The following NAALADL2 variants were observed in gnomAD, a reference collection of about 807,000 sequenced individuals.
The protein encoded by NAALADL2 is inactive N-acetylated-alpha-linked acidic dipeptidase-like protein 2.
NAALADL2 carries 76 observed loss-of-function variants against 87.2 expected under a neutral mutation model. The ratio of observed to expected loss-of-function variants is 0.87; its 90% CI spans 0.72 to 1.05. The LOEUF (loss-of-function observed/expected upper bound fraction) is 1.05, where lower values mean the gene tolerates loss of function less well. Ranked by LOEUF, NAALADL2 falls within the 50% of genes least tolerant of loss-of-function variation. The pLI is 0.00. For missense variants in NAALADL2, 1,089 were observed against 945.8 expected, an observed-to-expected ratio of 1.15 and a Z score of -1.99; for synonymous variants, 354 against 331.0, an observed-to-expected ratio of 1.07 and a Z score of -0.75.
intron 9 of NAALADL2, among the ~76,000 whole-genome samples, chr3:175,530,769 C>A (rs1733990307): frequency 6.6e-6 from 1 of 152,146 alleles, no homozygotes; most frequent in South Asian, 2.1e-4. Context: ...CACGTATATA[C>A]CACTTCCATT....
intron 2 of NAALADL2, among the ~76,000 whole-genome samples, chr3:174,715,245 A>G (rs1305955975): frequency 6.6e-6 from 1 of 152,120 alleles, no homozygotes; most frequent in Non-Finnish European, 1.5e-5. Context: ...GTTCTTTTAG[A>G]TATCTAGGCA....
chr3:175,041,481 C>G (rs1359761161), intron 1 of NAALADL2, among the ~76,000 whole-genome samples: 1 of 152,096 alleles, frequency 6.6e-6, no homozygotes, highest in Admixed American at 6.6e-5. Flanking sequence ...ATATTGAAAG[C>G]CAGTGTCAGG....
intron 2 of NAALADL2, among the ~76,000 whole-genome samples, chr3:175,214,923 A>C (rs906065919): frequency 6.6e-5 from 10 of 152,134 alleles, no homozygotes; most frequent in Non-Finnish European, 1.3e-4. Flanking sequence ...GACACACACA[A>C]AAAAATATAC....
chr3:175,058,900 T>C (rs1265758965), intron 1 of NAALADL2, among the ~76,000 whole-genome samples: 1 of 152,168 alleles, frequency 6.6e-6, no homozygotes, highest in Non-Finnish European at 1.5e-5. Context: ...AGTGAATAGA[T>C]TAGATGGCTC....
chr3:175,494,010 C>T (rs569872508), intron 9 of NAALADL2, among the ~76,000 whole-genome samples: 6 of 152,114 alleles, frequency 3.9e-5, no homozygotes, highest in East Asian at 1.9e-4. Flanking sequence ...AATGTTGTCT[C>T]ATGTTAAAAA....
chr3:175,684,427 A>C (rs1012947340), intron 11 of NAALADL2, among the ~76,000 whole-genome samples: 2 of 152,170 alleles, frequency 1.3e-5, no homozygotes, highest in Non-Finnish European at 2.9e-5. Context: ...TCTTATCTCC[A>C]AAAGTAGATT....
At chr3:175,217,002 G>A (rs1299548270) in intron 2 of NAALADL2, among the ~76,000 whole-genome samples, 1 of 152,060 alleles carries the variant, frequency 6.6e-6, no homozygotes, top group Non-Finnish European at 1.5e-5. Flanking sequence ...ACAAGATATG[G>A]GAACACCCAA....
intron 1 of NAALADL2, among the ~76,000 whole-genome samples, chr3:175,019,882 A>C (rs947497049): frequency 6.6e-6 from 1 of 152,078 alleles, no homozygotes; most frequent in African/African-American, 2.4e-5. Context: ...TGTCAGCCTG[A>C]GATATCTGTA....
At chr3:175,535,403 T>G (rs1293914912) in intron 9 of NAALADL2, among the ~76,000 whole-genome samples, 1 of 152,218 alleles carries the variant, frequency 6.6e-6, no homozygotes, top group African/African-American at 2.4e-5. Context: ...TGCATTTCTG[T>G]TTTACTCTCC....
intron 2 of NAALADL2, among the ~76,000 whole-genome samples, chr3:174,614,957 A>G (rs540140562): frequency 8.2e-4 from 125 of 152,302 alleles, no homozygotes; most frequent in African/African-American, 2.8e-3. Context: ...TAACTCCACA[A>G]ATTACGTAGC....
At chr3:175,631,530 C>T (rs574981292) in intron 11 of NAALADL2, among the ~76,000 whole-genome samples, 11 of 150,244 alleles carry the variant, frequency 7.3e-5, no homozygotes, top group East Asian at 5.9e-4. Context: ...AAGAAAGTAA[C>T]GAATGAGGCT....
chr3:174,906,580 T>C (rs542809635), intron 1 of NAALADL2, among the ~76,000 whole-genome samples: 1 of 152,150 alleles, frequency 6.6e-6, no homozygotes, highest in Non-Finnish European at 1.5e-5. Context: ...ACTGAGATGC[T>C]GTTTCCAATA....
rs558993804 is a variant in NAALADL2 at position 174,470,290 on chromosome 3, A to G, written c.-184+29258A>G. On this transcript the variant is annotated intron_variant, in intron 1 of 3. Transcript: ENST00000434257. ...TTTCATATGTGTGTTGGCTATTTCT[A>G]TATCTTCTTTTGAGAAGTTCCTCTT... Among the ~76,000 whole-genome samples the G allele has an allele frequency of 3.9e-5, 6 of 152,226 alleles. No homozygotes were observed. In the East Asian group the frequency reaches 7.7e-4, roughly 20 times the overall value.
At chr3:174,691,733 T>A (rs1284674000) in intron 2 of NAALADL2, among the ~76,000 whole-genome samples, 1 of 152,222 alleles carries the variant, frequency 6.6e-6, no homozygotes, top group African/African-American at 2.4e-5. Flanking sequence ...CTCTGACACC[T>A]GTCTGCTGCT....
intron 11 of NAALADL2, among the ~76,000 whole-genome samples, chr3:175,629,050 A>G (rs543198043): frequency 6.6e-6 from 1 of 150,552 alleles, no homozygotes; most frequent in South Asian, 2.1e-4. Context: ...TTTGTATATA[A>G]CAGGATAGAA....
At chr3:174,944,754 C>G (rs780294953) in intron 1 of NAALADL2, among the ~76,000 whole-genome samples, 6 of 152,110 alleles carry the variant, frequency 3.9e-5, no homozygotes, top group Non-Finnish European at 7.3e-5. Flanking sequence ...AGTGGGCTCA[C>G]GAGGGGATCT....
At chr3:175,353,587 G>A (rs544239831) in intron 5 of NAALADL2, among the ~76,000 whole-genome samples, 1 of 152,172 alleles carries the variant, frequency 6.6e-6, no homozygotes, top group East Asian at 1.9e-4. Context: ...TAATATAGCT[G>A]GTTTCTTGCT....
chr3:175,270,601 G>T (rs542470913), intron 4 of NAALADL2, among the ~76,000 whole-genome samples: 1 of 152,082 alleles, frequency 6.6e-6, no homozygotes, highest in Non-Finnish European at 1.5e-5. Flanking sequence ...TAACTTCTCC[G>T]GGAAAATGTT....
Position 174,765,151 on chromosome 3 carries a change from A to AT in NAALADL2, c.-9+27405_-9+27406insT, listed in dbSNP as rs1289886491. 1.1e-3 allele frequency among the ~76,000 whole-genome samples: 170 copies of AT among 151,284 alleles called. 3 individuals are homozygous for AT. In the East Asian group the frequency reaches 0.027, roughly 24 times the overall value. ...ACACACACACACACACACGAGAGAG[A>AT]GAGAGAGAGAGAGAGAGAGACAGAG... On this transcript the variant is annotated intron_variant, in intron 3 of 3. Coordinates refer to the NAALADL2 transcript ENST00000434257.
Sources: allele counts gnomAD v4.1 joint callset (sites outside exome capture counted in the v4.1 genomes callset), GRCh38; gene constraint gnomAD v4.1.1; transcripts MANE v1.5; gene names NCBI Gene and HGNC (gene_info 2026-07-23, HGNC 2026-07-21).